KIAA0825: variants seen among roughly 807,000 people sequenced by gnomAD.
KIAA0825 encodes the protein KIAA0825.
A neutral mutation model predicts 147.6 loss-of-function variants in KIAA0825; 119 were observed. The observed-to-expected ratio is 0.81, with a 90% CI of 0.69 to 0.94. KIAA0825 has a LOEUF of 0.94. KIAA0825 is among the 40% of genes least tolerant of loss of function. KIAA0825 has a pLI of 0.00. For synonymous variants in KIAA0825, 470 were observed against 518.1 expected (o/e 0.91, Z 1.26); for missense variants, 1,381 against 1,472.7 (o/e 0.94, Z 1.02).
At chr5:94,321,036 T>C (rs929646993) in intron 20 of KIAA0825, among the ~76,000 whole-genome samples, 22 of 152,214 alleles carry the variant, frequency 1.4e-4, no homozygotes, top group African/African-American at 5.3e-4. Context: ...GAAGTAGTTA[T>C]GTAACTTTTC....
Position 94,520,850 on chromosome 5 carries a change from C to A in KIAA0825, c.368G>T (p.Cys123Phe), listed in dbSNP as rs768924526. The A allele has an allele frequency of 1.2e-6, 2 of 1,612,462 alleles. No individual in the cohort carries two copies. The highest frequency in any genetic ancestry group is 1.7e-6 in the Non-Finnish European group (2 of 1,179,136). ...MTLDLLWDLS[C>F]HSSVSFPSTL... ...TGATGGGAATGAAACGCTGCTGTGG[C>A]AGGAGAGGTCCCAAAGTAAATCCAA... Residue 123 changes from cysteine (C) to phenylalanine (F), a missense_variant, in exon 5 of 21, where the codon TGC becomes TTC. By Grantham distance (205) the Cys-to-Phe change is radical. Coordinates refer to ENST00000682413, the MANE Select transcript of KIAA0825 (RefSeq NM_001145678.3).
intron 2 of KIAA0825, among the ~76,000 whole-genome samples, chr5:94,541,866 T>G (rs1773385759): frequency 6.6e-6 from 1 of 152,230 alleles, no homozygotes; most frequent in African/African-American, 2.4e-5. Context: ...TGGTGTTTCA[T>G]TTTCTTTGGG....
At chr5:94,605,128 T>A (rs567881902) in intron 1 of KIAA0825, among the ~76,000 whole-genome samples, 1 of 152,094 alleles carries the variant, frequency 6.6e-6, no homozygotes, top group Non-Finnish European at 1.5e-5. Flanking sequence ...CAGAGAATAT[T>A]ATAAACACCT....
At chr5:94,317,575 G>A (rs763881122) in intron 20 of KIAA0825, among the ~76,000 whole-genome samples, 10 of 151,820 alleles carry the variant, frequency 6.6e-5, no homozygotes, top group Non-Finnish European at 1.2e-4. Context: ...ATATAAGGCA[G>A]CACAGGGCAG....
intron 20 of KIAA0825, among the ~76,000 whole-genome samples, chr5:94,202,690 A>G (rs1771810910): frequency 6.6e-6 from 1 of 152,228 alleles, no homozygotes; most frequent in African/African-American, 2.4e-5. Flanking sequence ...GACCCAGGCC[A>G]ATCTGGGAAA....
intron 5 of KIAA0825, among the ~76,000 whole-genome samples, chr5:94,486,969 T>G (rs1437156378): frequency 6.6e-6 from 1 of 152,306 alleles, no homozygotes; most frequent in East Asian, 1.9e-4. Context: ...GTTTAAGAAG[T>G]CTTTATCTGG....
intron 20 of KIAA0825, among the ~76,000 whole-genome samples, chr5:94,323,122 A>G (rs1013793951): frequency 6.6e-6 from 1 of 151,942 alleles, no homozygotes; most frequent in African/African-American, 2.4e-5. Context: ...TGTGCGTATA[A>G]TATATGAGTC....
intron 5 of KIAA0825, among the ~76,000 whole-genome samples, chr5:94,486,035 T>G (rs1186096644): frequency 6.6e-6 from 1 of 151,938 alleles, no homozygotes; most frequent in African/African-American, 2.4e-5. Context: ...TTTAAGAGTA[T>G]GGAGAATAAT....
intron 14 of KIAA0825, among the ~76,000 whole-genome samples, chr5:94,419,144 C>G (rs436728): frequency 0.49 from 73,679 of 151,818 alleles, 18,250 homozygotes; most frequent in African/African-American, 0.55. Context: ...CCAAGTACTG[C>G]AATTACAGGC....
intron 1 of KIAA0825, among the ~76,000 whole-genome samples, chr5:94,585,274 G>C (rs1255241638): frequency 2.6e-5 from 4 of 152,188 alleles, no homozygotes; most frequent in Admixed American, 6.5e-5. Flanking sequence ...AGACCCATTG[G>C]TGTGCTGTAT....
At chr5:94,271,610 T>G (rs1407673384) in intron 20 of KIAA0825, among the ~76,000 whole-genome samples, 1 of 151,980 alleles carries the variant, frequency 6.6e-6, no homozygotes, top group Non-Finnish European at 1.5e-5. Flanking sequence ...TAGCTGGGCA[T>G]GGTGGTGCAT....
At chr5:94,373,726 C>T (rs1278193221) in intron 20 of KIAA0825, among the ~76,000 whole-genome samples, 2 of 152,094 alleles carry the variant, frequency 1.3e-5, no homozygotes, top group Non-Finnish European at 2.9e-5. Context: ...GGTGGGGACA[C>T]AGCCAAATCA....
intron 9 of KIAA0825, among the ~76,000 whole-genome samples, chr5:94,470,341 G>T (rs561814525): frequency 1.3e-5 from 2 of 151,810 alleles, no homozygotes; most frequent in Non-Finnish European, 2.9e-5. Context: ...CTACAAATAC[G>T]CACTTCAACT....
chr5:94,203,628 A>C (rs546365313), intron 20 of KIAA0825, among the ~76,000 whole-genome samples: 1 of 152,282 alleles, frequency 6.6e-6, no homozygotes, highest in South Asian at 2.1e-4. Context: ...AAAAAAGAAA[A>C]GGAAAAAGAT....
intron 2 of KIAA0825, chr5:94,568,251 C>T (rs1215923354): frequency 6.3e-6 from 1 of 159,882 alleles, no homozygotes; most frequent in African/African-American, 2.4e-5. Context: ...ACCTCCCTCA[C>T]CATTGGCAGC....
chr5:94,191,773 T>A (rs1770697815), intron 20 of KIAA0825, among the ~76,000 whole-genome samples: 1 of 152,256 alleles, frequency 6.6e-6, no homozygotes, highest in Admixed American at 6.5e-5. Context: ...TGCTGCAGCC[T>A]GTCTTTGACA....
At chr5:94,454,089 T>C (rs1346195987) in intron 12 of KIAA0825, among the ~76,000 whole-genome samples, 1 of 152,218 alleles carries the variant, frequency 6.6e-6, no homozygotes, top group Non-Finnish European at 1.5e-5. Flanking sequence ...CTAGATTGGC[T>C]CAAATTCAAC....
chr5:94,268,339 G>A (rs745634731), intron 20 of KIAA0825, among the ~76,000 whole-genome samples: 3 of 152,092 alleles, frequency 2.0e-5, no homozygotes, highest in East Asian at 1.9e-4. Context: ...AACTCTGGGC[G>A]GGCTGGGTGT....
chr5:94,258,119 A>G (rs72771632), intron 20 of KIAA0825, among the ~76,000 whole-genome samples: 5,378 of 152,152 alleles, frequency 0.035, 133 homozygotes, highest in Non-Finnish European at 0.054. Flanking sequence ...GCACAGGGTC[A>G]GCATCTTTTT....
Sources: allele counts gnomAD v4.1 joint callset (sites outside exome capture counted in the v4.1 genomes callset), GRCh38; gene constraint gnomAD v4.1.1; transcripts MANE v1.5; gene names NCBI Gene and HGNC (gene_info 2026-07-23, HGNC 2026-07-21).